ZNF536: variants seen among roughly 807,000 people sequenced by gnomAD.
ZNF536 encodes the protein zinc finger protein 536.
Under a neutral mutation model 84.5 loss-of-function variants are expected in ZNF536, and 13 were observed. The observed-to-expected ratio is 0.15, with a 90% CI of 0.10 to 0.24. The LOEUF (loss-of-function observed/expected upper bound fraction) is 0.24, where lower values mean the gene tolerates loss of function less well. Ranked by LOEUF, ZNF536 falls within the 10% of genes least tolerant of loss-of-function variation. ZNF536 has a pLI of 1.00. For missense variants in ZNF536, 1,536 were observed against 1,747.5 expected, an observed-to-expected ratio of 0.88 and a Z score of 2.16; for synonymous variants, 811 against 742.5, an observed-to-expected ratio of 1.09 and a Z score of -1.50.
At chr19:30,390,660 G>A (rs772051104) in intron 1 of ZNF536, among the ~76,000 whole-genome samples, 5 of 152,206 alleles carry the variant, frequency 3.3e-5, no homozygotes, top group East Asian at 1.9e-4. Context: ...GGAGCCTGGA[G>A]TGTCCTCTGT....
chr19:30,291,755 A>G (rs2215707), intron 2 of ZNF536, among the ~76,000 whole-genome samples: 148,117 of 152,358 alleles, frequency 0.97, 72,016 homozygotes, highest in East Asian at 1. Flanking sequence ...TGTTTTTTCC[A>G]TTTTTATGCT....
At chr19:30,436,587 T>G in intron 1 of ZNF536, 1 of 781,402 alleles carries the variant, frequency 1.3e-6, no homozygotes, top group Non-Finnish European at 1.6e-6. Context: ...CCTGAAAAGG[T>G]TCAGTAGTCT....
chr19:30,366,099 T>C (rs767805463), intron 3 of ZNF536, among the ~76,000 whole-genome samples: 9 of 152,102 alleles, frequency 5.9e-5, no homozygotes, highest in Admixed American at 2.6e-4. Context: ...CCACGTGAAC[T>C]CCTCCAGCCC....
At chr19:30,385,114 T>A (rs773761519) in intron 1 of ZNF536, among the ~76,000 whole-genome samples, 1 of 151,974 alleles carries the variant, frequency 6.6e-6, no homozygotes, top group African/African-American at 2.4e-5. Flanking sequence ...ACACCCGGAC[T>A]TGATGTTTGA....
intron 1 of ZNF536, among the ~76,000 whole-genome samples, chr19:30,681,665 T>C (rs1329964307): frequency 6.6e-6 from 1 of 152,164 alleles, no homozygotes; most frequent in East Asian, 1.9e-4. Context: ...TTGTCATAAT[T>C]TGGATTCTAG....
intron 4 of ZNF536, among the ~76,000 whole-genome samples, chr19:30,550,642 A>C (rs1396206088): frequency 6.6e-6 from 1 of 151,742 alleles, no homozygotes; most frequent in Non-Finnish European, 1.5e-5. Context: ...AAAGGGAAGG[A>C]AGGGGGGGAA....
intron 2 of ZNF536, among the ~76,000 whole-genome samples, chr19:30,348,814 C>CTTTTTTTTTTTTTTT (rs5827705): frequency 7.5e-6 from 1 of 132,666 alleles, no homozygotes; most frequent in East Asian, 2.1e-4. Flanking sequence ...TTTTTCTTTT[C>CTTTTTTTTTTTTTTT]TTTTTTTTTT....
At chr19:30,233,720 C>G (rs1015592812) in intron 1 of ZNF536, among the ~76,000 whole-genome samples, 1 of 152,076 alleles carries the variant, frequency 6.6e-6, no homozygotes, top group African/African-American at 2.4e-5. Context: ...GATGCAGGTA[C>G]TATATATGTC....
At chr19:30,479,748 TGA>T (rs1240277910) in intron 2 of ZNF536, among the ~76,000 whole-genome samples, 8 of 152,344 alleles carry the variant, frequency 5.3e-5, no homozygotes, top group Admixed American at 5.2e-4. Flanking sequence ...CATCCCAGGG[TGA>T]GAGTCCCTCC....
At chr19:30,684,847 A>G (rs1224366623) in intron 1 of ZNF536, among the ~76,000 whole-genome samples, 1 of 152,180 alleles carries the variant, frequency 6.6e-6, no homozygotes, top group African/African-American at 2.4e-5. Context: ...TGAACAGCCA[A>G]GGGCCCTTAC....
At chr19:30,410,969 A>T (rs2050471367) in intron 1 of ZNF536, among the ~76,000 whole-genome samples, 1 of 152,212 alleles carries the variant, frequency 6.6e-6, no homozygotes, top group South Asian at 2.1e-4. Flanking sequence ...TATATACTTA[A>T]GAATATAGAG....
At chr19:30,276,742 G>A (rs1460044690) in intron 1 of ZNF536, among the ~76,000 whole-genome samples, 1 of 152,072 alleles carries the variant, frequency 6.6e-6, no homozygotes, top group Admixed American at 6.5e-5. Context: ...ACATTCCTTG[G>A]ATGTGTACTG....
intron 1 of ZNF536, among the ~76,000 whole-genome samples, chr19:30,647,287 T>TCTCC (rs1207178987): frequency 6.6e-6 from 1 of 152,218 alleles, no homozygotes; most frequent in Non-Finnish European, 1.5e-5. Context: ...ATTTCTTTGA[T>TCTCC]CTCCCTTTGA....
chr19:30,390,426 G>T (rs1014113741), intron 1 of ZNF536, among the ~76,000 whole-genome samples: 1 of 152,206 alleles, frequency 6.6e-6, no homozygotes, highest in African/African-American at 2.4e-5. Context: ...GTGGCAGGCA[G>T]CTGCAGGGGA....
intron 2 of ZNF536, among the ~76,000 whole-genome samples, chr19:30,337,285 C>T (rs914857635): frequency 3.9e-5 from 6 of 152,122 alleles, no homozygotes; most frequent in Middle Eastern, 3.2e-3. Context: ...AGATGGCTGG[C>T]GTCCGCAATC....
intron 1 of ZNF536, among the ~76,000 whole-genome samples, chr19:30,256,182 G>A (rs2024909248): frequency 6.6e-6 from 1 of 152,162 alleles, no homozygotes; most frequent in Non-Finnish European, 1.5e-5. Flanking sequence ...AAACTTAAGG[G>A]TAGAAAAAAG....
intron 2 of ZNF536, among the ~76,000 whole-genome samples, chr19:30,499,296 T>C (rs2054853509): frequency 6.6e-6 from 1 of 152,228 alleles, no homozygotes; most frequent in Non-Finnish European, 1.5e-5. Flanking sequence ...TATCTTTGCA[T>C]CTATGTATCT....
At chr19:30,552,328 C>T (rs746984819) in intron 4 of ZNF536, among the ~76,000 whole-genome samples, 7 of 152,148 alleles carry the variant, frequency 4.6e-5, no homozygotes, top group Non-Finnish European at 1.0e-4. Flanking sequence ...AAGTTGAGGG[C>T]TGGTTTTGTC....
intron 1 of ZNF536, among the ~76,000 whole-genome samples, chr19:30,638,082 A>G (rs2049137100): frequency 6.6e-6 from 1 of 152,120 alleles, no homozygotes; most frequent in African/African-American, 2.4e-5. Flanking sequence ...TGCATCAAAC[A>G]ACCTGGTATC....
Sources: allele counts gnomAD v4.1 joint callset (sites outside exome capture counted in the v4.1 genomes callset), GRCh38; gene constraint gnomAD v4.1.1; transcripts MANE v1.5; gene names NCBI Gene and HGNC (gene_info 2026-07-23, HGNC 2026-07-21).